Variants in ECE1 observed in about 807,000 individuals in gnomAD.
ECE1 encodes endothelin converting enzyme 1.
ECE1 carries 35 observed loss-of-function variants against 98.6 expected under a neutral mutation model. The observed-to-expected ratio is 0.35, with a 90% CI of 0.27 to 0.47. The LOEUF is 0.47. Ranked by LOEUF, ECE1 falls within the 20% of genes least tolerant of loss-of-function variation. The pLI is 1.00. For missense variants in ECE1, 814 were observed against 1,025.3 expected (o/e 0.79, Z 2.81); for synonymous variants, 394 against 407.1 (o/e 0.97, Z 0.39).
At position 21,225,641 on chromosome 1, in the gene ECE1, C is replaced by T. The variant is rs547922067; in HGVS notation, c.1850-201G>A. ...GCGGGAGAGGATGAAGGAGAGAAAT[C>T]GGGAAAAGCTCCAGCGTGGCCCGAG... On this transcript the variant is annotated intron_variant, in intron 16 of 18. Coordinates refer to ENST00000374893, the MANE Select transcript of ECE1 (RefSeq NM_001397.3). This position sits in a 1 kb window ranked among gnomAD's most constrained non-coding sequence, Gnocchi z 5.3. Among the ~76,000 whole-genome samples the T allele has an allele frequency of 7.3e-5, 11 of 151,118 alleles. No homozygotes were observed. The South Asian group carries it at 1.5e-3, about 20-fold the overall frequency.
Position 21,327,643 on chromosome 1 carries a change from T to C in ECE1, c.3+17733A>G, listed in dbSNP as rs1227210406. On this transcript the variant is annotated intron_variant, in intron 1 of 18. Coordinates refer to the ECE1 transcript ENST00000415912. The surrounding 1 kb of genome is among the most constrained non-coding windows in gnomAD (Gnocchi z 4.6). The stretch of plus-strand genomic sequence containing the variant: ...GTATAGAGGAAAATAAAGCCTCACC[T>C]GGTCTGCACGGCCCTGCGGGACCCA... Among the ~76,000 whole-genome samples the C allele has an allele frequency of 1.3e-5, 2 of 152,192 alleles. No homozygotes were observed. Among genetic ancestry groups the C allele is most frequent in the Non-Finnish European group, 2.9e-5 (2 of 68,040 alleles).
rs1452084825 is a variant in ECE1 at position 21,219,099 on chromosome 1, G to C, written c.*856C>G. ...GCAGGGCTCCTGCAGTCTCGATTCA[G>C]GGTGCTTGGTGTTCCCAGATGGTGT... On this transcript the variant is annotated 3_prime_UTR_variant, in exon 19 of 19. Coordinates refer to ENST00000374893, the MANE Select transcript of ECE1 (RefSeq NM_001397.3). This position sits in a 1 kb window ranked among gnomAD's most constrained non-coding sequence, Gnocchi z 4.5. 6.6e-6 allele frequency: 1 copy of C among 152,390 alleles called. No homozygotes were observed. Among genetic ancestry groups the C allele is most frequent in the African/African-American group, 2.4e-5 (1 of 41,462 alleles). 9.4% of individuals were successfully genotyped at this position (152,390 alleles called of 1,614,324 possible). A position where few individuals can be genotyped will look rare whatever the true frequency, so the allele number is the denominator to read the frequency against.
intron 3 of ECE1, among the ~76,000 whole-genome samples, chr1:21,275,195 T>A (rs2098245111): frequency 6.6e-6 from 1 of 152,180 alleles, no homozygotes; most frequent in Non-Finnish European, 1.5e-5. Flanking sequence ...TGTGTATGTG[T>A]CTGTGTGTGA....
intron 1 of ECE1, among the ~76,000 whole-genome samples, chr1:21,302,969 C>A (rs1415479521): frequency 6.6e-6 from 1 of 152,162 alleles, no homozygotes; most frequent in Non-Finnish European, 1.5e-5. Context: ...TCCCCTGCCA[C>A]CCCCCGGGCC....
upstream of ECE1, among the ~76,000 whole-genome samples, chr1:21,291,954 T>G (rs569698098): frequency 2.7e-5 from 4 of 147,810 alleles, no homozygotes; most frequent in Non-Finnish European, 4.4e-5. Context: ...ACGGACCCCA[T>G]CTCTACAAAA....
At chr1:21,342,574 A>G (rs977726158) in intron 1 of ECE1, among the ~76,000 whole-genome samples, 2 of 150,870 alleles carry the variant, frequency 1.3e-5, no homozygotes, top group Non-Finnish European at 3.0e-5. Flanking sequence ...GACAACAGGA[A>G]ACACATCACA....
At chr1:21,280,305 A>G (rs1225513420) in intron 2 of ECE1, among the ~76,000 whole-genome samples, 2 of 152,222 alleles carry the variant, frequency 1.3e-5, no homozygotes, top group Non-Finnish European at 2.9e-5. Context: ...ATGTGCTAAC[A>G]GCTGAGCACC....
Position 21,256,145 on chromosome 1 carries a change from G to A in ECE1, c.829-7C>T, listed in dbSNP as rs1470511748. ...TCAGATATCCGGTCAGCACCTGCAG[G>A]GCCCATACCCCAAACTGTCAGTGGC... On this transcript the variant is annotated splice_polypyrimidine_tract_variant and splice_region_variant and intron_variant, in intron 7 of 18. Coordinates refer to ENST00000374893, the MANE Select transcript of ECE1 (RefSeq NM_001397.3). 2 of 1,595,858 alleles carry A rather than the reference G, an allele frequency of 1.3e-6. No individual in the cohort carries two copies. Among genetic ancestry groups the A allele is most frequent in the African/African-American group, 2.7e-5 (2 of 74,640 alleles).
At chr1:21,297,517 C>CT (rs1277530674) in intron 1 of ECE1, among the ~76,000 whole-genome samples, 1 of 145,276 alleles carries the variant, frequency 6.9e-6, no homozygotes, top group African/African-American at 2.6e-5. Context: ...GCAGAACTTT[C>CT]TTTTTTCTTT....
intron 7 of ECE1, among the ~76,000 whole-genome samples, 176 bp downstream of exon 7, chr1:21,257,349 G>C (rs1344087467): frequency 1.3e-5 from 2 of 152,170 alleles, no homozygotes; most frequent in Non-Finnish European, 2.9e-5. Flanking sequence ...TGATGCCTGA[G>C]TGACACAGCC....
At chr1:21,284,979 C>T (rs1448581619) in intron 2 of ECE1, among the ~76,000 whole-genome samples, 1 of 152,136 alleles carries the variant, frequency 6.6e-6, no homozygotes, top group African/African-American at 2.4e-5. Context: ...TGCGAGGAAC[C>T]CTGCCTCCGA....
Position 21,295,980 on chromosome 1 carries a change from G to A in ECE1, c.4-5824C>T, listed in dbSNP as rs1315098297. 2.6e-5 allele frequency among the ~76,000 whole-genome samples: 4 copies of A among 152,172 alleles called. No individual in the cohort carries two copies. The East Asian group carries it at 5.8e-4, about 22-fold the overall frequency. On this transcript the variant is annotated intron_variant, in intron 1 of 18. Transcript: ENST00000415912. ...CTGGCATCCAGCAGCCCAAGCCTGC[G>A]TGAACCACACCAGAGGGACATCCTG...
chr1:21,330,162 CAG>C (rs1289450011), intron 1 of ECE1, among the ~76,000 whole-genome samples: 49 of 113,278 alleles, frequency 4.3e-4, no homozygotes, highest in African/African-American at 1.7e-3. Context: ...TTTTTTGAGA[CAG>C]AGTCTCCCAG....
intron 1 of ECE1, among the ~76,000 whole-genome samples, chr1:21,306,125 T>A (rs906406905): frequency 7.9e-5 from 12 of 152,200 alleles, no homozygotes; most frequent in Admixed American, 5.9e-4. Flanking sequence ...ATTCAACAAA[T>A]ATTTATTATG....
chr1:21,279,989 G>A (rs1312983515), intron 2 of ECE1: 1 of 153,332 alleles, frequency 6.5e-6, no homozygotes, highest in African/African-American at 2.4e-5. Flanking sequence ...GGGAGATGTT[G>A]GCAGAGATGC....
upstream of ECE1, among the ~76,000 whole-genome samples, chr1:21,295,043 T>G (rs213051): frequency 0.41 from 62,109 of 152,132 alleles, 15,062 homozygotes; most frequent in African/African-American, 0.69. Flanking sequence ...GTGGGTAAAA[T>G]CTCTGGATCT....
intron 1 of ECE1, among the ~76,000 whole-genome samples, chr1:21,296,530 A>G (rs1189231431): frequency 6.6e-6 from 1 of 151,748 alleles, no homozygotes; most frequent in Non-Finnish European, 1.5e-5. Flanking sequence ...AAAAAAAGAG[A>G]GAGAAATAAA....
At chr1:21,246,591 G>A (rs948034141) in intron 9 of ECE1, among the ~76,000 whole-genome samples, 1 of 151,998 alleles carries the variant, frequency 6.6e-6, no homozygotes, top group African/African-American at 2.4e-5. Flanking sequence ...TATATGCTAG[G>A]CACTCTATTA....
rs552497938 is a variant in ECE1, at chr1:21,344,754, G to A, written c.3+622C>T. Among the ~76,000 whole-genome samples the A allele has an allele frequency of 1.6e-3, 240 of 152,304 alleles. No individual in the cohort carries two copies. In the Middle Eastern group the frequency reaches 0.031, roughly 19 times the overall value. On this transcript the variant is annotated intron_variant, in intron 1 of 18. Coordinates refer to the ECE1 transcript ENST00000415912. ...TCACCGGGAGATGCTGGGGAGACCGGATCGCTGGGTGCAGGGCCCCTGAGT... is the reference window on the plus strand; with the variant it reads ...TCACCGGGAGATGCTGGGGAGACCGAATCGCTGGGTGCAGGGCCCCTGAGT...
Sources: allele counts gnomAD v4.1 joint callset (sites outside exome capture counted in the v4.1 genomes callset), GRCh38; gene constraint gnomAD v4.1.1; non-coding constraint Gnocchi (gnomAD v3.1); transcripts MANE v1.5; gene names NCBI Gene and HGNC (gene_info 2026-07-23, HGNC 2026-07-21).